The following GRM7 variants were observed in gnomAD, a reference collection of about 807,000 sequenced individuals.
GRM7 encodes metabotropic glutamate receptor 7.
Under a neutral mutation model 84.5 loss-of-function variants are expected in GRM7, and 35 were observed. The ratio of observed to expected loss-of-function variants is 0.41; its 90% confidence interval spans 0.32 to 0.55. The LOEUF is 0.55. Among genes scored for constraint, GRM7 ranks in the 20% least tolerant of loss-of-function variants. GRM7 has a pLI of 0.19. For synonymous variants in GRM7, 487 were observed against 455.1 expected (o/e 1.07, Z -0.89); for missense variants, 1,003 against 1,194.6 (o/e 0.84, Z 2.36).
At chr3:7,714,196 C>T (rs1701695614) in intron 9 of GRM7, among the ~76,000 whole-genome samples, 1 of 152,056 alleles carries the variant, frequency 6.6e-6, no homozygotes, top group Non-Finnish European at 1.5e-5. Context: ...CTTTATTAAA[C>T]AAATCAAACT....
In GRM7 at chr3:7,266,415, G is replaced by A. The variant is rs866917341; in HGVS notation, c.737-32269G>A. Among the ~76,000 whole-genome samples the A allele has an allele frequency of 7.2e-5, 11 of 152,278 alleles. No homozygotes were observed. The Middle Eastern group carries it at 0.01, about 141-fold the overall frequency. On this transcript the variant is annotated intron_variant, in intron 2 of 9. Coordinates refer to ENST00000357716, the MANE Select transcript of GRM7 (RefSeq NM_000844.4). ...GTCATGGTATGTGGAGTTACTCAGC[G>A]TAGGTAGAGGTTGCTGGAAATTGCT...
At chr3:7,562,431 GGTTTT>G (rs1455267469) in intron 7 of GRM7, among the ~76,000 whole-genome samples, 16 of 151,912 alleles carry the variant, frequency 1.1e-4, no homozygotes, top group Non-Finnish European at 4.4e-5. Flanking sequence ...AGTCATATTT[GGTTTT>G]TCTGTAACTC....
intron 4 of GRM7, among the ~76,000 whole-genome samples, chr3:7,339,259 A>G (rs1351925003): frequency 6.6e-6 from 1 of 152,100 alleles, no homozygotes; most frequent in Non-Finnish European, 1.5e-5. Context: ...AAGAGATTGG[A>G]AAGCAATCAA....
At position 7,085,196 on chromosome 3, in the gene GRM7, A is replaced by G. The variant is rs556617930; in HGVS notation, c.520-61256A>G. Among the ~76,000 whole-genome samples the G allele has an allele frequency of 3.9e-5, 6 of 152,296 alleles. No homozygotes were observed. In the South Asian group the frequency reaches 6.2e-4, roughly 16 times the overall value. ...AATTGGCTCAGCCTAATTTGCACCT[A>G]TTAATTTAATTTTGAACAGCCTAGG... On this transcript the variant is annotated intron_variant, in intron 1 of 9. Coordinates refer to ENST00000357716, the MANE Select transcript of GRM7 (RefSeq NM_000844.4).
chr3:6,861,780 C>T lies in GRM7; in HGVS notation c.392C>T (p.Thr131Ile). The change falls in exon 1 of 10, where the codon ACC becomes ATC. Residue 131 changes from threonine (T) to isoleucine (I), a missense_variant. This residue lies in a region of GRM7 where 910 missense variants were observed against 1,126.0 expected (regional missense o/e 0.81). Coordinates refer to ENST00000357716, the MANE Select transcript of GRM7 (RefSeq NM_000844.4). This position sits in a 1 kb window ranked among gnomAD's most constrained non-coding sequence, Gnocchi z 6.4. ...TFVQALIQKD[T>I]SDVRCTNGEP... ...GTCCAGGCGCTCATCCAGAAGGACA[C>T]CTCCGACGTGCGCTGCACCAACGGC... 2 of 1,614,230 alleles carry T rather than the reference C, an allele frequency of 1.2e-6. No individual in the cohort carries two copies. Among genetic ancestry groups the T allele is most frequent in the Non-Finnish European group, 1.7e-6 (2 of 1,180,046 alleles).
intron 4 of GRM7, among the ~76,000 whole-genome samples, chr3:7,363,558 A>G (rs1693758666): frequency 1.3e-5 from 2 of 152,228 alleles, no homozygotes; most frequent in South Asian, 4.1e-4. Flanking sequence ...TATACCCTTA[A>G]TGGAAGAATA....
At chr3:7,274,295 G>A (rs1050832118) in intron 2 of GRM7, among the ~76,000 whole-genome samples, 13 of 151,894 alleles carry the variant, frequency 8.6e-5, no homozygotes, top group African/African-American at 3.1e-4. Flanking sequence ...GATCAATAAA[G>A]AATAAGAAAA....
chr3:7,440,007 G>A (rs891203093), intron 5 of GRM7, among the ~76,000 whole-genome samples: 10 of 151,722 alleles, frequency 6.6e-5, no homozygotes, highest in East Asian at 3.9e-4. Context: ...AGGAGTACTC[G>A]GTGTGGATTT....
At chr3:7,162,157 A>T (rs1694645601) in intron 2 of GRM7, among the ~76,000 whole-genome samples, 1 of 152,204 alleles carries the variant, frequency 6.6e-6, no homozygotes, top group African/African-American at 2.4e-5. Context: ...CAAGTGAAGC[A>T]GTTGAACAGG....
chr3:7,369,878 C>T (rs1244081995), intron 4 of GRM7, among the ~76,000 whole-genome samples: 2 of 152,086 alleles, frequency 1.3e-5, no homozygotes, highest in African/African-American at 4.8e-5. Flanking sequence ...AATAGCATAA[C>T]CGTATTCTGG....
chr3:7,506,838 G>A (rs549676649), intron 7 of GRM7, among the ~76,000 whole-genome samples: 26 of 152,130 alleles, frequency 1.7e-4, no homozygotes, highest in Non-Finnish European at 2.8e-4. Context: ...ACTCATGAGG[G>A]CAGAGCCAAC....
chr3:7,717,459 C>G (rs1701805649), intron 9 of GRM7, among the ~76,000 whole-genome samples: 3 of 152,154 alleles, frequency 2.0e-5, no homozygotes, highest in Non-Finnish European at 1.5e-5. Flanking sequence ...AGTCAGCCAT[C>G]CTGCCACAGG....
intron 4 of GRM7, among the ~76,000 whole-genome samples, chr3:7,333,852 TAGAAGAA>T (rs1701302963): frequency 6.6e-6 from 1 of 151,942 alleles, no homozygotes; most frequent in South Asian, 2.1e-4. Context: ...ATCAAACAAT[TAGAAGAA>T]AGAACTTCAG....
intron 4 of GRM7, among the ~76,000 whole-genome samples, chr3:7,380,635 A>T (rs923613201): frequency 6.6e-6 from 1 of 152,214 alleles, no homozygotes; most frequent in African/African-American, 2.4e-5. Flanking sequence ...GAAGGAGGTG[A>T]TGAGGGCTCC....
intron 2 of GRM7, among the ~76,000 whole-genome samples, chr3:7,275,480 A>C (rs948970436): frequency 3.9e-5 from 6 of 152,152 alleles, no homozygotes; most frequent in Admixed American, 1.3e-4. Flanking sequence ...TTTTTCAGGA[A>C]GCCTGTGCCT....
intron 1 of GRM7, among the ~76,000 whole-genome samples, chr3:6,891,264 A>T (rs565841817): frequency 6.6e-5 from 10 of 152,078 alleles, no homozygotes; most frequent in African/African-American, 1.2e-4. Flanking sequence ...TGTGAATTTG[A>T]TCCTGTCATT....
At position 7,064,851 on chromosome 3, in the gene GRM7, A is replaced by G. The variant is rs1448946917; in HGVS notation, c.520-81601A>G. On this transcript the variant is annotated intron_variant, in intron 1 of 9. Transcript: ENST00000357716. ...GTTCTGTGTTCACTGCATCCATGCCAACATCTACTGTTTTTTGATTATGGC... is the reference window on the plus strand; with the variant it reads ...GTTCTGTGTTCACTGCATCCATGCCGACATCTACTGTTTTTTGATTATGGC... Among the ~76,000 whole-genome samples, 6 of 151,640 alleles carry G rather than the reference A, an allele frequency of 4.0e-5. No homozygotes were observed. The Admixed American group carries it at 4.0e-4, about 10-fold the overall frequency.
chr3:7,710,504 G>T (rs534782292), intron 9 of GRM7, among the ~76,000 whole-genome samples: 10 of 20,714 alleles, frequency 4.8e-4, no homozygotes, highest in Admixed American at 4.6e-3. Context: ...TGGTGTAAAA[G>T]GAGCATTATC....
At chr3:7,326,972 A>G (rs112138451) in intron 4 of GRM7, among the ~76,000 whole-genome samples, 27 of 152,318 alleles carry the variant, frequency 1.8e-4, no homozygotes, top group African/African-American at 6.3e-4. Context: ...ATATTTGTTT[A>G]ATATCTGTGT....
Sources: gnomAD v4.1 joint callset for allele counts (sites outside exome capture counted in the v4.1 genomes callset) on GRCh38, gnomAD v4.1.1 for gene constraint, gnomAD v4.1.1 regional missense constraint, Gnocchi (gnomAD v3.1) non-coding constraint, MANE v1.5 for transcripts, NCBI Gene and HGNC (gene_info 2026-07-23, HGNC 2026-07-21) for gene names.